Variants in TTLL2 observed in about 807,000 individuals in gnomAD.
TTLL2 encodes the protein tubulin tyrosine ligase like 2, also known as probable tubulin polyglutamylase TTLL2.
TTLL2 carries 10 observed loss-of-function variants against 7.5 expected under a neutral mutation model. That is an observed-to-expected ratio of 1.33 (90% CI 0.82 to 2.25). The LOEUF (loss-of-function observed/expected upper bound fraction) is 2.25, where lower values mean the gene tolerates loss of function less well. TTLL2 is among the 30% of genes most tolerant of loss of function. The pLI, the probability that TTLL2 is intolerant of heterozygous loss-of-function variation, is 0.00. For synonymous variants in TTLL2, 284 were observed against 280.3 expected, an observed-to-expected ratio of 1.01 and a Z score of -0.13; for missense variants, 733 against 735.7, an observed-to-expected ratio of 1.00 and a Z score of 0.04.
At chr6:167,332,563 C>G (rs547552966) in intron 1 of TTLL2, among the ~76,000 whole-genome samples, 2 of 150,390 alleles carry the variant, frequency 1.3e-5, no homozygotes, top group South Asian at 4.3e-4. Flanking sequence ...TTGATTCTTC[C>G]TACCCATGAG....
At position 167,340,138 on chromosome 6, in the gene TTLL2, T is replaced by G. The variant is rs755864675; in HGVS notation, c.238T>G (p.Ser80Ala). 1 of 1,598,068 alleles carries G rather than the reference T, an allele frequency of 6.3e-7. No homozygotes were observed. The highest frequency in any genetic ancestry group is 8.5e-7 in the Non-Finnish European group (1 of 1,173,048). Residue 80 changes from serine to alanine, a missense_variant, in exon 3 of 3, where the codon TCA becomes GCA. Physicochemically the swap from Ser to Ala is moderately conservative, Grantham distance 99. Coordinates refer to ENST00000239587, the MANE Select transcript of TTLL2 (RefSeq NM_031949.5). ...TCATTTGATGGCGGAAGATGAACCT[T>G]CAGGGGCCCTCTTGAAGCCGCTGGT... ...KPHLMAEDEPSGALLKPLVFR... is the reference protein window; with the variant it reads ...KPHLMAEDEPAGALLKPLVFR...
At chr6:167,331,943 TG>T (rs998937641) in intron 1 of TTLL2, among the ~76,000 whole-genome samples, 3 of 152,222 alleles carry the variant, frequency 2.0e-5, no homozygotes, top group Admixed American at 1.3e-4. Flanking sequence ...GCTGTGACTC[TG>T]GGGGCTGTAT....
At chr6:167,330,768 C>T (rs756158097) in intron 1 of TTLL2, among the ~76,000 whole-genome samples, 5 of 152,244 alleles carry the variant, frequency 3.3e-5, no homozygotes, top group Admixed American at 6.5e-5. Flanking sequence ...TTTCAGCCAG[C>T]GAGGCAGCCA....
At chr6:167,332,367 G>A (rs1778929975) in intron 1 of TTLL2, among the ~76,000 whole-genome samples, 1 of 152,130 alleles carries the variant, frequency 6.6e-6, no homozygotes, top group African/African-American at 2.4e-5. Context: ...CCCGTTAGCT[G>A]ACAGCTCACT....
Position 167,338,749 on chromosome 6 carries a change from A to T in TTLL2, c.150A>T (p.Ala50=). ...PAGLGARLQE[A]GVSIPPRRGR... ...GCCTGGGAGCAAGGCTACAGGAAGC[A>T]GGTGTTTCCATCCCTCCCAGGCGAG... Residue 50 remains alanine (A), a synonymous_variant, in exon 2 of 3, where the codon GCA becomes GCT. Transcript: ENST00000239587. 1 of 1,614,012 alleles carries T rather than the reference A, an allele frequency of 6.2e-7. No individual in the cohort carries two copies. The highest frequency in any genetic ancestry group is 8.5e-7 in the Non-Finnish European group (1 of 1,179,938).
Position 167,341,006 on chromosome 6 carries a change from T to A in TTLL2, c.1106T>A (p.Leu369His). The change falls in exon 3 of 3, where the codon CTC becomes CAC. Residue 369 changes from leucine (L) to histidine (H), a missense_variant. Leu to His is a moderately conservative substitution (Grantham distance 99). Coordinates refer to ENST00000239587, the MANE Select transcript of TTLL2 (RefSeq NM_031949.5). ...SVPFAANCFELFGFDILIDDN... is the reference protein window; with the variant it reads ...SVPFAANCFEHFGFDILIDDN... ...CCCTTTGCTGCCAATTGCTTTGAGCTCTTTGGGTTTGATATTTTGATTGAT... is the reference window on the plus strand; with the variant it reads ...CCCTTTGCTGCCAATTGCTTTGAGCACTTTGGGTTTGATATTTTGATTGAT... The A allele has an allele frequency of 6.2e-7, 1 of 1,614,092 alleles. No individual in the cohort carries two copies. The highest frequency in any genetic ancestry group is 8.5e-7 in the Non-Finnish European group (1 of 1,180,024).
chr6:167,341,381 G>A lies in TTLL2; in HGVS notation c.1481G>A (p.Gly494Glu), dbSNP rs1779094060. ...PASQLEGEMS[G>E]QDFHLSTREM... ...TCCCAGCTGGAAGGAGAGATGAGTG[G>A]GCAGGATTTTCATCTGTCAACAAGG... Residue 494 changes from glycine (G) to glutamate (E), a missense_variant, in exon 3 of 3, where the codon GGG becomes GAG. Gly to Glu is a moderately conservative substitution (Grantham distance 98). Coordinates refer to ENST00000239587, the MANE Select transcript of TTLL2 (RefSeq NM_031949.5). 1 of 1,613,796 alleles carries A rather than the reference G, an allele frequency of 6.2e-7. No homozygotes were observed.
chr6:167,329,078 C>T lies in TTLL2; in HGVS notation c.47+3858C>T, dbSNP rs139801746. 2.0e-4 allele frequency among the ~76,000 whole-genome samples: 30 copies of T among 151,954 alleles called. No homozygotes were observed. In the South Asian group the frequency reaches 5.4e-3, roughly 27 times the overall value. On this transcript the variant is annotated intron_variant, in intron 1 of 2. Transcript: ENST00000239587. ...TTGACAAAAGAGCACTTTCAGTGTC[C>T]GCAGTTCAAAGGGCCCATCCCTCTC... is the stretch of plus-strand genomic sequence containing the variant.
intron 1 of TTLL2, 128 bp from the exon 2 acceptor site, chr6:167,338,519 T>G: frequency 7.9e-7 from 1 of 1,266,792 alleles, no homozygotes; most frequent in Non-Finnish European, 1.1e-6. Flanking sequence ...TTTGAAAGCA[T>G]TACTGCAAAC....
chr6:167,334,516 A>T (rs1778962232), intron 1 of TTLL2, among the ~76,000 whole-genome samples: 1 of 151,568 alleles, frequency 6.6e-6, no homozygotes, highest in African/African-American at 2.4e-5. Context: ...TTTCAAGTCA[A>T]CCCTAAGCCA....
intron 1 of TTLL2, among the ~76,000 whole-genome samples, chr6:167,332,471 T>C (rs563795618): frequency 6.6e-6 from 1 of 152,242 alleles, no homozygotes; most frequent in East Asian, 1.9e-4. Context: ...TTTCCAATTC[T>C]GTGAAGAAAG....
intron 1 of TTLL2, among the ~76,000 whole-genome samples, chr6:167,331,750 G>A (rs746179012): frequency 6.6e-6 from 1 of 152,106 alleles, no homozygotes; most frequent in Admixed American, 6.5e-5. Flanking sequence ...GCCAATCCCC[G>A]CAGCTGTACT....
At chr6:167,325,243 A>G in intron 1 of TTLL2, 23 bp downstream of exon 1, 1 of 1,531,268 alleles carries the variant, frequency 6.5e-7, no homozygotes, top group Non-Finnish European at 8.8e-7. Flanking sequence ...GGCGACACGT[A>G]GGATGGGAGG....
chr6:167,334,207 A>G (rs867155891), intron 1 of TTLL2, among the ~76,000 whole-genome samples: 5 of 147,100 alleles, frequency 3.4e-5, no homozygotes, highest in Non-Finnish European at 5.9e-5. Flanking sequence ...TGTACCCAGT[A>G]GTCATTCAGG....
In TTLL2 at chr6:167,341,363, T is replaced by C; in HGVS notation, c.1463T>C (p.Leu488Pro). The C allele has an allele frequency of 6.2e-7, 1 of 1,613,764 alleles. No homozygotes were observed. Among genetic ancestry groups the C allele is most frequent in the Non-Finnish European group, 8.5e-7 (1 of 1,179,942 alleles). ...CCTGAAGCTGCACCTGCCTCCCAGC[T>C]GGAAGGAGAGATGAGTGGGCAGGAT... ...VRPEAAPASQ[L>P]EGEMSGQDFH... The change falls in exon 3 of 3, where the codon CTG (leucine) becomes CCG (proline). Residue 488 changes from leucine (L) to proline (P), a missense_variant. Transcript: ENST00000239587.
At chr6:167,336,350 T>C (rs924572717) in intron 1 of TTLL2, among the ~76,000 whole-genome samples, 1 of 152,158 alleles carries the variant, frequency 6.6e-6, no homozygotes, top group East Asian at 1.9e-4. Context: ...TGTTATGATA[T>C]AATATATCTA....
At chr6:167,330,249 C>CAA (rs1219401224) in intron 1 of TTLL2, among the ~76,000 whole-genome samples, 1 of 152,142 alleles carries the variant, frequency 6.6e-6, no homozygotes, top group Non-Finnish European at 1.5e-5. Flanking sequence ...TACAGTTTTT[C>CAA]AATGTTTGAA....
chr6:167,325,300 G>A, intron 1 of TTLL2, 80 bp downstream of exon 1: 1 of 1,380,582 alleles, frequency 7.2e-7, no homozygotes, highest in South Asian at 1.5e-5. Context: ...CTTCCCGAGA[G>A]CACAGGGGCC....
intron 1 of TTLL2, among the ~76,000 whole-genome samples, chr6:167,333,659 G>A (rs1168468194): frequency 3.1e-5 from 1 of 32,758 alleles, no homozygotes; most frequent in East Asian, 8.2e-4. Context: ...CTTCTTCCTG[G>A]TTTAGTCTTG....
Sources: allele counts gnomAD v4.1 joint callset (sites outside exome capture counted in the v4.1 genomes callset), GRCh38; gene constraint gnomAD v4.1.1; transcripts MANE v1.5; gene names NCBI Gene and HGNC (gene_info 2026-07-23, HGNC 2026-07-21).